Variants in TRDN observed in about 807,000 individuals in gnomAD.
TRDN encodes triadin in skeletal muscle.
Under a neutral mutation model 149.7 loss-of-function variants are expected in TRDN, and 161 were observed. That is an observed-to-expected ratio of 1.08 (90% CI 0.95 to 1.23). The LOEUF (loss-of-function observed/expected upper bound fraction) is 1.23, where lower values mean the gene tolerates loss of function less well. Among genes scored for constraint, TRDN ranks in the 50% most tolerant of loss-of-function variants. TRDN has a pLI of 0.00. For missense variants in TRDN, 896 were observed against 823.5 expected (o/e 1.09, Z -1.08); for synonymous variants, 294 against 250.5 (o/e 1.17, Z -1.64).
At chr6:123,532,360 G>C (rs1460771396) in intron 4 of TRDN, among the ~76,000 whole-genome samples, 1 of 151,968 alleles carries the variant, frequency 6.6e-6, no homozygotes, top group Non-Finnish European at 1.5e-5. Context: ...GTCGCTTGCA[G>C]GTATATTGCA....
At chr6:123,226,135 T>C (rs1375817487) in intron 38 of TRDN, among the ~76,000 whole-genome samples, 1 of 151,824 alleles carries the variant, frequency 6.6e-6, no homozygotes, top group African/African-American at 2.4e-5. Context: ...TGGTCAGTTG[T>C]AAATAATATT....
intron 20 of TRDN, among the ~76,000 whole-genome samples, chr6:123,358,817 C>T (rs1780791140): frequency 6.6e-6 from 1 of 151,902 alleles, no homozygotes; most frequent in Non-Finnish European, 1.5e-5. Context: ...GTGAGACTTA[C>T]CTGGAGGAGA....
intron 20 of TRDN, among the ~76,000 whole-genome samples, chr6:123,363,022 T>A (rs975257409): frequency 1.3e-5 from 2 of 152,074 alleles, no homozygotes; most frequent in Non-Finnish European, 2.9e-5. Context: ...ATAAGACAAT[T>A]TATGCTGCAG....
intron 12 of TRDN, among the ~76,000 whole-genome samples, chr6:123,398,788 G>A (rs948063766): frequency 6.6e-6 from 1 of 152,212 alleles, no homozygotes; most frequent in African/African-American, 2.4e-5. Context: ...ACTGAAGCCT[G>A]AAAGAAGGGC....
chr6:123,276,373 T>C (rs562831826), intron 26 of TRDN, among the ~76,000 whole-genome samples: 1 of 152,242 alleles, frequency 6.6e-6, no homozygotes, highest in South Asian at 2.1e-4. Flanking sequence ...TTCTGTTAGG[T>C]GGAAGATGGA....
chr6:123,350,526 G>A (rs1468147071), intron 21 of TRDN: 5 of 666,772 alleles, frequency 7.5e-6, no homozygotes, highest in Non-Finnish European at 9.3e-6. Flanking sequence ...ATGTAAGAAA[G>A]CAAAGTATAC....
At chr6:123,485,706 A>G (rs2114781903) in intron 9 of TRDN, among the ~76,000 whole-genome samples, 1 of 152,284 alleles carries the variant, frequency 6.6e-6, no homozygotes, top group South Asian at 2.1e-4. Flanking sequence ...ATGTGTATGT[A>G]TATGCTCATT....
At chr6:123,421,041 A>AAAAG (rs1442320301) in intron 12 of TRDN, among the ~76,000 whole-genome samples, 2 of 152,338 alleles carry the variant, frequency 1.3e-5, no homozygotes, top group African/African-American at 4.8e-5. Context: ...TCTTCCAGTT[A>AAAAG]AAAGAGAGGA....
Position 123,555,182 on chromosome 6 carries a change from A to G in TRDN, c.233-6570T>C, listed in dbSNP as rs7341266. 6.9e-3 allele frequency among the ~76,000 whole-genome samples: 1,050 copies of G among 152,030 alleles called. 11 individuals carry two copies. The highest frequency in any genetic ancestry group is 0.011 in the Non-Finnish European group (770 of 67,948). On this transcript the variant is annotated intron_variant, in intron 2 of 40. Transcript: ENST00000334268. ...GCTTTTTAAGTCCAAACAGTTTCTC[A>G]TAAGTTGGGCCACTTGTCCTGGGTA...
chr6:123,452,654 C>T (rs1775851953), intron 10 of TRDN, among the ~76,000 whole-genome samples: 1 of 152,070 alleles, frequency 6.6e-6, no homozygotes, highest in Admixed American at 6.6e-5. Flanking sequence ...TATAATCAAT[C>T]TTGGGAAAAT....
intron 9 of TRDN, among the ~76,000 whole-genome samples, chr6:123,495,567 T>A (rs1252926296): frequency 6.6e-6 from 1 of 151,834 alleles, no homozygotes; most frequent in African/African-American, 2.4e-5. Flanking sequence ...GGTCTCCATA[T>A]GTTGCCCAGG....
intron 24 of TRDN, among the ~76,000 whole-genome samples, chr6:123,280,473 C>T (rs529030815): frequency 2.0e-5 from 3 of 152,128 alleles, no homozygotes; most frequent in African/African-American, 7.2e-5. Flanking sequence ...AAATAATTTT[C>T]TGGGAATTTT....
At chr6:123,448,396 G>T (rs990300526) in intron 10 of TRDN, among the ~76,000 whole-genome samples, 1 of 152,140 alleles carries the variant, frequency 6.6e-6, no homozygotes, top group Non-Finnish European at 1.5e-5. Context: ...GTTGGCGGGG[G>T]ACATGGTGGG....
rs57662412 is a variant in TRDN, at chr6:123,559,510, A to C, written c.233-10898T>G. Among the ~76,000 whole-genome samples the C allele has an allele frequency of 4.4e-3, 663 of 151,274 alleles. 3 individuals carry two copies. Among genetic ancestry groups the C allele is most frequent in the African/African-American group, 0.014 (592 of 40,952 alleles). On this transcript the variant is annotated intron_variant, in intron 2 of 40. Transcript: ENST00000334268. ...TGCGTGCTCCTCTTGTATTCCCCCC[A>C]CTTAACCCACAAGAATAAGATACCT...
intron 24 of TRDN, among the ~76,000 whole-genome samples, chr6:123,309,066 T>C (rs1441498858): frequency 6.6e-6 from 1 of 152,004 alleles, no homozygotes; most frequent in Non-Finnish European, 1.5e-5. Flanking sequence ...AATACCTAGA[T>C]TGTTATAAAA....
chr6:123,239,636 A>G (rs1329956687), intron 38 of TRDN, among the ~76,000 whole-genome samples: 1 of 152,116 alleles, frequency 6.6e-6, no homozygotes, highest in Non-Finnish European at 1.5e-5. Flanking sequence ...TATACTCTAT[A>G]AATAAAATCT....
At chr6:123,406,169 C>G (rs775492296) in intron 12 of TRDN, among the ~76,000 whole-genome samples, 29 of 152,024 alleles carry the variant, frequency 1.9e-4, no homozygotes, top group Non-Finnish European at 2.9e-4. Context: ...GATGTAGGAC[C>G]AAAGAAAACT....
chr6:123,452,568 A>G (rs1775847262), intron 10 of TRDN, among the ~76,000 whole-genome samples: 1 of 152,106 alleles, frequency 6.6e-6, no homozygotes, highest in South Asian at 2.1e-4. Context: ...CTCTACAAGG[A>G]AAACTACAAA....
intron 13 of TRDN, among the ~76,000 whole-genome samples, chr6:123,391,372 T>C (rs1468133643): frequency 1.3e-5 from 2 of 152,086 alleles, no homozygotes. Flanking sequence ...TTTTATTCTT[T>C]CCTTTGTTTC....
Sources: gnomAD v4.1 joint callset for allele counts (sites outside exome capture counted in the v4.1 genomes callset) on GRCh38, gnomAD v4.1.1 for gene constraint, MANE v1.5 for transcripts, NCBI Gene and HGNC (gene_info 2026-07-23, HGNC 2026-07-21) for gene names.